Variants in CD200R1 observed in about 807,000 individuals in gnomAD.
CD200R1 encodes cell surface glycoprotein CD200 receptor 1.
CD200R1 carries 30 observed loss-of-function variants against 38.1 expected under a neutral mutation model. The observed-to-expected ratio is 0.79, with a 90% CI of 0.59 to 1.07. The LOEUF is 1.07. Ranked by LOEUF, CD200R1 falls within the 50% of genes least tolerant of loss-of-function variation. The pLI is 0.00. For missense variants in CD200R1, 372 were observed against 415.4 expected (o/e 0.90, Z 0.91); for synonymous variants, 128 against 152.1 (o/e 0.84, Z 1.16).
chr3:112,956,283 T>G (rs1464004811), intron 1 of CD200R1, among the ~76,000 whole-genome samples: 1 of 152,162 alleles, frequency 6.6e-6, no homozygotes, highest in African/African-American at 2.4e-5. Context: ...GCTTGATAAT[T>G]CTACTGTTGA....
chr3:112,971,039 A>T (rs1305119834), intron 1 of CD200R1, among the ~76,000 whole-genome samples: 1 of 152,152 alleles, frequency 6.6e-6, no homozygotes, highest in South Asian at 2.1e-4. Flanking sequence ...CATCTACTTC[A>T]TGAATGATTC....
chr3:112,941,865 G>A (rs1303537490), intron 2 of CD200R1, among the ~76,000 whole-genome samples: 1 of 151,348 alleles, frequency 6.6e-6, no homozygotes, highest in Non-Finnish European at 1.5e-5. Context: ...CTACCAAGAA[G>A]AAAAGAAAAG....
intron 1 of CD200R1, among the ~76,000 whole-genome samples, chr3:112,965,371 C>A (rs377755011): frequency 6.6e-6 from 1 of 152,104 alleles, no homozygotes; most frequent in African/African-American, 2.4e-5. Context: ...GAATGCTGAC[C>A]TTGAAAGAAT....
chr3:112,933,195 T>C (rs1940496289), intron 2 of CD200R1, among the ~76,000 whole-genome samples: 1 of 151,910 alleles, frequency 6.6e-6, no homozygotes, highest in South Asian at 2.1e-4. Flanking sequence ...GCCCACCCAC[T>C]CCAGAACCTA....
At chr3:112,969,036 G>T (rs1933234820) in intron 1 of CD200R1, among the ~76,000 whole-genome samples, 1 of 152,048 alleles carries the variant, frequency 6.6e-6, no homozygotes. Context: ...GAGTCTTACA[G>T]CAACATTCAG....
At chr3:112,963,303 G>A (rs1334179009) in intron 1 of CD200R1, among the ~76,000 whole-genome samples, 1 of 152,248 alleles carries the variant, frequency 6.6e-6, no homozygotes, top group Non-Finnish European at 1.5e-5. Context: ...GAGGGTAGCA[G>A]GTAGAGGTTG....
chr3:112,961,856 T>G (rs1272427837), intron 1 of CD200R1, among the ~76,000 whole-genome samples: 1 of 152,122 alleles, frequency 6.6e-6, no homozygotes, highest in Admixed American at 6.5e-5. Context: ...GGCAAAGGTA[T>G]GAACAGGCTG....
rs1940348087 is a variant in CD200R1 at position 112,928,972 on chromosome 3, G to C, written c.613C>G (p.Pro205Ala). The C allele has an allele frequency of 3.1e-6, 5 of 1,613,926 alleles. No individual in the cohort carries two copies. The highest frequency in any genetic ancestry group is 4.2e-6 in the Non-Finnish European group (5 of 1,179,984). The change falls in exon 5 of 8, where the codon CCA becomes GCA. Residue 205 changes from proline to alanine, a missense_variant. By Grantham distance (27) the Pro-to-Ala change is conservative. Transcript: ENST00000308611. The part of the protein sequence containing the change: ...GKPAAHISWI[P>A]EGDCATKQEY... ...TGCTTAGTGGCACAATCGCCCTCTG[G>C]GATCCAGGAGATATGCGCAGCTGGC...
intron 1 of CD200R1, among the ~76,000 whole-genome samples, chr3:112,960,975 C>A (rs527352300): frequency 2.6e-5 from 4 of 151,748 alleles, no homozygotes; most frequent in South Asian, 2.1e-4. Context: ...TTTCATGTTC[C>A]GACACTTTAT....
chr3:112,951,567 T>C (rs1940969278), intron 1 of CD200R1, among the ~76,000 whole-genome samples: 2 of 151,836 alleles, frequency 1.3e-5, no homozygotes, highest in African/African-American at 4.8e-5. Flanking sequence ...TCACAAAATA[T>C]TAACATCAAA....
chr3:112,925,292 A>T, intron 5 of CD200R1, 99 bp from the exon 6 acceptor site: 1 of 629,326 alleles, frequency 1.6e-6, no homozygotes, highest in South Asian at 2.1e-5. Flanking sequence ...CAAACCATAA[A>T]AAGACATAGA....
intron 2 of CD200R1, among the ~76,000 whole-genome samples, chr3:112,942,395 T>C (rs1177755428): frequency 6.6e-6 from 1 of 151,726 alleles, no homozygotes; most frequent in Admixed American, 6.6e-5. Context: ...ATTTGAAAGT[T>C]AATTTGGATT....
intron 1 of CD200R1, among the ~76,000 whole-genome samples, chr3:112,962,783 A>G (rs2107341437): frequency 6.6e-6 from 1 of 152,296 alleles, no homozygotes; most frequent in Non-Finnish European, 1.5e-5. Context: ...GGCCAAAACT[A>G]GAGCCTTGAA....
chr3:112,945,187 C>T (rs1349461036), intron 2 of CD200R1, among the ~76,000 whole-genome samples: 2 of 152,154 alleles, frequency 1.3e-5, no homozygotes, highest in Non-Finnish European at 2.9e-5. Context: ...CAACCAAAAT[C>T]TCAGCAAGTT....
intron 2 of CD200R1, among the ~76,000 whole-genome samples, chr3:112,939,569 G>A (rs1031973834): frequency 4.6e-5 from 7 of 151,552 alleles, no homozygotes; most frequent in Non-Finnish European, 7.4e-5. Flanking sequence ...AAATATCTAC[G>A]AATGAATTTA....
intron 1 of CD200R1, among the ~76,000 whole-genome samples, chr3:112,949,730 AAGAGCACTG>A (rs1394554934): frequency 1.3e-5 from 2 of 152,334 alleles, no homozygotes; most frequent in African/African-American, 4.8e-5. Flanking sequence ...ATGTTATTGC[AAGAGCACTG>A]AGAGACAAAC....
chr3:112,931,063 T>C (rs1453551243), intron 3 of CD200R1, 43 bp downstream of exon 3: 1 of 1,406,658 alleles, frequency 7.1e-7, no homozygotes, highest in Non-Finnish European at 1.0e-6. Context: ...GAAGTTCAAC[T>C]TTCCATCCCT....
At chr3:112,950,417 G>GAAA (rs1199673914) in intron 1 of CD200R1, among the ~76,000 whole-genome samples, 1 of 147,648 alleles carries the variant, frequency 6.8e-6, no homozygotes, top group Non-Finnish European at 1.5e-5. Context: ...AAAAAAAAAG[G>GAAA]AAAAAAAAAT....
At chr3:112,962,575 A>G (rs980547558) in intron 1 of CD200R1, among the ~76,000 whole-genome samples, 1 of 152,202 alleles carries the variant, frequency 6.6e-6, no homozygotes, top group Non-Finnish European at 1.5e-5. Context: ...TGCAGCACTA[A>G]GTACTTTACC....
Sources: gnomAD v4.1 joint callset for allele counts (sites outside exome capture counted in the v4.1 genomes callset) on GRCh38, gnomAD v4.1.1 for gene constraint, MANE v1.5 for transcripts, NCBI Gene and HGNC (gene_info 2026-07-23, HGNC 2026-07-21) for gene names.